DHRS3: variants seen among roughly 807,000 people sequenced by gnomAD.
The protein encoded by DHRS3 is dehydrogenase/reductase 3, also known as short-chain dehydrogenase/reductase 3.
Under a neutral mutation model 27.2 loss-of-function variants are expected in DHRS3, and 14 were observed. That is an observed-to-expected ratio of 0.52 (90% CI 0.34 to 0.81). DHRS3 has a LOEUF of 0.81. DHRS3 is among the 30% of genes least tolerant of loss of function. DHRS3 has a pLI of 0.01. For synonymous variants in DHRS3, 165 were observed against 175.9 expected (o/e 0.94, Z 0.49); for missense variants, 322 against 406.2 (o/e 0.79, Z 1.78).
intron 1 of DHRS3, among the ~76,000 whole-genome samples, chr1:12,583,852 C>T (rs566071015): frequency 6.0e-4 from 91 of 151,990 alleles, no homozygotes; most frequent in African/African-American, 2.0e-3. Flanking sequence ...CTCACCTACT[C>T]CACTTCATCC....
intron 1 of DHRS3, among the ~76,000 whole-genome samples, chr1:12,585,105 G>T (rs376270576): frequency 1.3e-5 from 2 of 151,660 alleles, no homozygotes; most frequent in African/African-American, 4.8e-5. Context: ...GTGAATGTAT[G>T]TGTCTGGGTG....
chr1:12,611,879 C>T (rs1646911947), intron 1 of DHRS3, among the ~76,000 whole-genome samples: 2 of 151,632 alleles, frequency 1.3e-5, no homozygotes, highest in African/African-American at 2.4e-5. Flanking sequence ...ATTGCTTGAG[C>T]CCAAGAGTTC....
At chr1:12,610,839 C>T (rs1003058678) in intron 1 of DHRS3, among the ~76,000 whole-genome samples, 2 of 152,174 alleles carry the variant, frequency 1.3e-5, no homozygotes, top group Admixed American at 6.5e-5. Context: ...CTGAAGACAA[C>T]GGTGAGCACA....
intron 1 of DHRS3, among the ~76,000 whole-genome samples, chr1:12,584,516 G>A (rs1412114776): frequency 2.0e-5 from 2 of 98,276 alleles, no homozygotes; most frequent in Non-Finnish European, 3.8e-5. Flanking sequence ...ATTCTATCCC[G>A]TTCACATCCC....
chr1:12,575,618 AC>A (rs1399786329), intron 4 of DHRS3, among the ~76,000 whole-genome samples: 3 of 152,132 alleles, frequency 2.0e-5, no homozygotes, highest in Non-Finnish European at 2.9e-5. Context: ...GCTAATGTTC[AC>A]CTAGTGCTTG....
At chr1:12,570,987 A>C (rs1388890526) in intron 5 of DHRS3, among the ~76,000 whole-genome samples, 6 of 152,238 alleles carry the variant, frequency 3.9e-5, no homozygotes, top group African/African-American at 1.4e-4. Flanking sequence ...ATGTCCCAGC[A>C]GCCAGGGCAG....
At chr1:12,611,732 C>T (rs79544948) in intron 1 of DHRS3, among the ~76,000 whole-genome samples, 2,149 of 151,956 alleles carry the variant, frequency 0.014, 42 homozygotes, top group African/African-American at 0.049. Flanking sequence ...CATTGTAACC[C>T]CTCTCATTTT....
intron 4 of DHRS3, among the ~76,000 whole-genome samples, chr1:12,576,466 G>C (rs1280483170): frequency 6.6e-6 from 1 of 151,974 alleles, no homozygotes; most frequent in Non-Finnish European, 1.5e-5. Context: ...GGAGGCTGAG[G>C]CAGGAGAATG....
chr1:12,590,962 T>C (rs867824874), intron 1 of DHRS3, among the ~76,000 whole-genome samples: 1 of 152,138 alleles, frequency 6.6e-6, no homozygotes, highest in Non-Finnish European at 1.5e-5. Flanking sequence ...CTCTACACAA[T>C]CCAGTCTGCA....
At chr1:12,606,069 CGGA>C (rs1374374777) in intron 1 of DHRS3, among the ~76,000 whole-genome samples, 1 of 144,012 alleles carries the variant, frequency 6.9e-6, no homozygotes, top group Admixed American at 7.2e-5. Flanking sequence ...ACCCAGGAGG[CGGA>C]GGTTGCAGTG....
chr1:12,595,879 G>A (rs1646792694), intron 1 of DHRS3: 1 of 151,810 alleles, frequency 6.6e-6, no homozygotes, highest in African/African-American at 2.4e-5. Flanking sequence ...AGGGGAGCCG[G>A]GCTGGGGGCC....
intron 1 of DHRS3, among the ~76,000 whole-genome samples, chr1:12,598,803 G>A (rs1334668734): frequency 6.6e-6 from 1 of 152,204 alleles, no homozygotes; most frequent in Non-Finnish European, 1.5e-5. Context: ...GGAAGTATAA[G>A]TAATTAGTCA....
chr1:12,587,140 AC>A (rs1179201447), intron 1 of DHRS3, among the ~76,000 whole-genome samples: 3 of 138,294 alleles, frequency 2.2e-5, no homozygotes, highest in Non-Finnish European at 4.8e-5. Flanking sequence ...TCAACTCTAA[AC>A]TTTTTTTTTT....
intron 1 of DHRS3, among the ~76,000 whole-genome samples, chr1:12,611,128 T>C (rs1214208711): frequency 6.6e-6 from 1 of 152,154 alleles, no homozygotes; most frequent in East Asian, 1.9e-4. Context: ...ACTGCAAAGA[T>C]ACAGAGATCA....
rs551759562 is a variant in DHRS3, at chr1:12,578,245, G to A, written c.698+473C>T. On this transcript the variant is annotated intron_variant, in intron 4 of 5. Coordinates refer to ENST00000616661, the MANE Select transcript of DHRS3 (RefSeq NM_004753.7). The surrounding 1 kb of genome is among the most constrained non-coding windows in gnomAD (Gnocchi z 4.5). ...ACCAAGCAGCAGGACCCTCCCCATC[G>A]TGGCATCACTGCCTTGCAGACCGAG... 7.3e-4 allele frequency among the ~76,000 whole-genome samples: 111 copies of A among 152,276 alleles called. No individual in the cohort carries two copies. The highest frequency in any genetic ancestry group is 2.6e-3 in the African/African-American group (106 of 41,556).
intron 1 of DHRS3, among the ~76,000 whole-genome samples, chr1:12,597,993 T>A (rs1240667814): frequency 6.6e-6 from 1 of 152,094 alleles, no homozygotes; most frequent in Non-Finnish European, 1.5e-5. Context: ...TCACAAGCCT[T>A]CCACGCTCCC....
rs928139293 is a variant in DHRS3, at chr1:12,591,900, C to T, written c.196-11234G>A. Among the ~76,000 whole-genome samples the T allele has an allele frequency of 6.6e-6, 1 of 152,186 alleles. No homozygotes were observed. Among genetic ancestry groups the T allele is most frequent in the African/African-American group, 2.4e-5 (1 of 41,438 alleles). On this transcript the variant is annotated intron_variant, in intron 1 of 5. Coordinates refer to ENST00000616661, the MANE Select transcript of DHRS3 (RefSeq NM_004753.7). This position sits in a 1 kb window ranked among gnomAD's most constrained non-coding sequence, Gnocchi z 4.1. The stretch of plus-strand genomic sequence containing the variant: ...CCTCCCAGGGAATGAGGGAAAGGTG[C>T]GGTCATCATTCGGTCTTGATGACCA...
chr1:12,588,068 G>A (rs935592450), intron 1 of DHRS3, among the ~76,000 whole-genome samples: 2 of 152,234 alleles, frequency 1.3e-5, no homozygotes, highest in Non-Finnish European at 2.9e-5. Context: ...AGAGGACAGG[G>A]ACTAAATCTC....
chr1:12,570,826 G>A (rs1646529598), intron 5 of DHRS3, among the ~76,000 whole-genome samples: 1 of 152,226 alleles, frequency 6.6e-6, no homozygotes, highest in African/African-American at 2.4e-5. Context: ...GGGAGGCCGA[G>A]GTGTGGCCTG....
Sources: gnomAD v4.1 joint callset for allele counts (sites outside exome capture counted in the v4.1 genomes callset) on GRCh38, gnomAD v4.1.1 for gene constraint, Gnocchi (gnomAD v3.1) non-coding constraint, MANE v1.5 for transcripts, NCBI Gene and HGNC (gene_info 2026-07-23, HGNC 2026-07-21) for gene names.